Variants in HECTD4 observed in about 807,000 individuals in gnomAD.
The protein encoded by HECTD4 is HECT domain E3 ubiquitin protein ligase 4, also known as probable E3 ubiquitin-protein ligase HECTD4.
A neutral mutation model predicts 471.5 loss-of-function variants in HECTD4; 114 were observed. The observed-to-expected ratio is 0.24, with a 90% CI of 0.21 to 0.28. The LOEUF is 0.28. HECTD4 is among the 10% of genes least tolerant of loss of function. The pLI is 1.00. For synonymous variants in HECTD4, 2,012 were observed against 2,256.0 expected, an observed-to-expected ratio of 0.89 and a Z score of 3.07; for missense variants, 3,866 against 5,651.5, an observed-to-expected ratio of 0.68 and a Z score of 10.13.
chr12:112,317,391 A>G (rs1436448581), intron 2 of HECTD4, among the ~76,000 whole-genome samples: 2 of 152,240 alleles, frequency 1.3e-5, no homozygotes, highest in Non-Finnish European at 2.9e-5. Context: ...TTGAAGGTCA[A>G]CTTTGAAACT....
At chr12:112,187,622 C>CTTTTTTTTTTTTTTTTTTTTT in intron 60 of HECTD4, among the ~76,000 whole-genome samples, 1 of 85,964 alleles carries the variant, frequency 1.2e-5, no homozygotes, top group Non-Finnish European at 2.1e-5. Flanking sequence ...GTTTCCTTTC[C>CTTTTTTTTTTTTTTTTTTTTT]TTTTTTTTTT....
chr12:112,329,604 G>T (rs1483326370), intron 1 of HECTD4, among the ~76,000 whole-genome samples: 1 of 152,182 alleles, frequency 6.6e-6, no homozygotes, highest in African/African-American at 2.4e-5. Context: ...CTGGCCTGAA[G>T]AGATCCGCCC....
At chr12:112,196,797 T>C (rs1374876994) in intron 55 of HECTD4, among the ~76,000 whole-genome samples, 1 of 152,024 alleles carries the variant, frequency 6.6e-6, no homozygotes, top group African/African-American at 2.4e-5. Flanking sequence ...TCTCTCTCTC[T>C]CTTTTTTTTG....
Position 112,198,308 on chromosome 12 carries a change from C to T in HECTD4, c.8567+2330G>A, listed in dbSNP as rs188049143. Among the ~76,000 whole-genome samples, 79 of 152,258 alleles carry T rather than the reference C, an allele frequency of 5.2e-4. 1 individual carries two copies. Among genetic ancestry groups the T allele is most frequent in the Admixed American group, 4.1e-3 (63 of 15,286 alleles). On this transcript the variant is annotated intron_variant, in intron 55 of 75. Transcript: ENST00000682272. ...ATTCACTGAGATCTGAATTACAGAACGAGACAGCCAGGGGGAGCTCTGGGC... is the reference window on the plus strand; with the variant it reads ...ATTCACTGAGATCTGAATTACAGAATGAGACAGCCAGGGGGAGCTCTGGGC...
At position 112,243,772 on chromosome 12, in the gene HECTD4, C is replaced by A. The variant is rs762651573; in HGVS notation, c.4650-11G>T. On this transcript the variant is annotated splice_polypyrimidine_tract_variant and intron_variant, in intron 30 of 75. Coordinates refer to ENST00000682272, the MANE Select transcript of HECTD4 (RefSeq NM_001388303.1). The surrounding 1 kb of genome is among the most constrained non-coding windows in gnomAD (Gnocchi z 6.6). ...GTCACGTGGCGACGCCTACGGGGAACACAGAACAGACTGGCAAGACGAGAA... is the reference window on the plus strand; with the variant it reads ...GTCACGTGGCGACGCCTACGGGGAAAACAGAACAGACTGGCAAGACGAGAA... 1 of 1,612,022 alleles carries A rather than the reference C, an allele frequency of 6.2e-7. No homozygotes were observed. The highest frequency in any genetic ancestry group is 8.5e-7 in the Non-Finnish European group (1 of 1,178,470).
intron 54 of HECTD4, among the ~76,000 whole-genome samples, chr12:112,202,652 G>A (rs1034321710): frequency 6.6e-6 from 1 of 152,174 alleles, no homozygotes; most frequent in Non-Finnish European, 1.5e-5. Flanking sequence ...GGCTTGATCT[G>A]TATATTATTT....
chr12:112,203,434 A>AT, intron 54 of HECTD4: 1 of 464,528 alleles, frequency 2.2e-6, no homozygotes, highest in Non-Finnish European at 3.8e-6. Context: ...AGAGCCTACC[A>AT]TCTACTGCCA....
At chr12:112,374,569 T>C (rs1216611960) in intron 1 of HECTD4, among the ~76,000 whole-genome samples, 1 of 152,188 alleles carries the variant, frequency 6.6e-6, no homozygotes, top group African/African-American at 2.4e-5. Context: ...GTGACTCCTA[T>C]TACAGTGCTC....
chr12:112,376,244 C>CT (rs1156827411), intron 1 of HECTD4, among the ~76,000 whole-genome samples: 15 of 150,924 alleles, frequency 9.9e-5, no homozygotes, highest in African/African-American at 1.7e-4. Flanking sequence ...ACTCTGCATT[C>CT]TTTTTTTTTG....
chr12:112,206,250 C>T (rs1434810171), intron 52 of HECTD4, among the ~76,000 whole-genome samples: 2 of 152,078 alleles, frequency 1.3e-5, no homozygotes, highest in Non-Finnish European at 2.9e-5. Flanking sequence ...AATCCCAGCA[C>T]TTTGGAGGCC....
At chr12:112,246,673 G>A (rs970231395) in intron 29 of HECTD4, among the ~76,000 whole-genome samples, 1 of 152,056 alleles carries the variant, frequency 6.6e-6, no homozygotes, top group African/African-American at 2.4e-5. Flanking sequence ...GAAGTTGACC[G>A]CAGGAATTTA....
intron 66 of HECTD4, among the ~76,000 whole-genome samples, chr12:112,174,053 C>G (rs1035181816): frequency 1.3e-5 from 2 of 151,694 alleles, no homozygotes; most frequent in African/African-American, 2.4e-5. Context: ...TCTCAGCTCA[C>G]CACAACCCCC....
intron 44 of HECTD4, among the ~76,000 whole-genome samples, chr12:112,224,525 C>G (rs2033181167): frequency 6.6e-6 from 1 of 152,132 alleles, no homozygotes; most frequent in South Asian, 2.1e-4. Flanking sequence ...CTCGGCCTCC[C>G]AAAGTGCTAG....
chr12:112,199,141 G>A (rs1231168646), intron 55 of HECTD4, among the ~76,000 whole-genome samples: 1 of 152,228 alleles, frequency 6.6e-6, no homozygotes, highest in Non-Finnish European at 1.5e-5. Context: ...ACTTGGGTAG[G>A]TATGTAGGTG....
At chr12:112,294,704 G>A (rs956008659) in intron 7 of HECTD4, among the ~76,000 whole-genome samples, 2 of 151,962 alleles carry the variant, frequency 1.3e-5, no homozygotes, top group Non-Finnish European at 1.5e-5. Flanking sequence ...GCGCTGCAAC[G>A]GCCTCCATAT....
chr12:112,243,986 T>G lies in HECTD4; in HGVS notation c.4537A>C (p.Lys1513Gln). 1 of 1,613,992 alleles carries G rather than the reference T, an allele frequency of 6.2e-7. No homozygotes were observed. The highest frequency in any genetic ancestry group is 8.5e-7 in the Non-Finnish European group (1 of 1,179,886). ...TGCCTGACAGCGTGAGATATCACTTTTGTTTCAGAAGCTGATTTACAAGCT... is the reference window on the plus strand; with the variant it reads ...TGCCTGACAGCGTGAGATATCACTTGTGTTTCAGAAGCTGATTTACAAGCT... ...TPACKSASET[K>Q]VISHAVRQPV... The change falls in exon 30 of 76, where the codon AAA (lysine) becomes CAA (glutamine). Residue 1513 changes from lysine to glutamine, a missense_variant. Physicochemically the swap from Lys to Gln is moderately conservative, Grantham distance 53. This residue lies in a region of HECTD4 where 49 missense variants were observed against 43.6 expected (regional missense o/e 1.12). Transcript: ENST00000682272. This position sits in a 1 kb window ranked among gnomAD's most constrained non-coding sequence, Gnocchi z 6.6.
chr12:112,336,796 C>T (rs1001207719), intron 1 of HECTD4, among the ~76,000 whole-genome samples: 40 of 152,216 alleles, frequency 2.6e-4, no homozygotes, highest in African/African-American at 9.4e-4. Context: ...TGATAATTGT[C>T]GAACTTGCTG....
At chr12:112,220,301 T>C (rs1300588633) in intron 44 of HECTD4, among the ~76,000 whole-genome samples, 1 of 152,024 alleles carries the variant, frequency 6.6e-6, no homozygotes, top group East Asian at 1.9e-4. Context: ...CACAAAGATA[T>C]ATGAGCCAAA....
chr12:112,178,218 A>G (rs2031529775), intron 64 of HECTD4, among the ~76,000 whole-genome samples: 1 of 152,134 alleles, frequency 6.6e-6, no homozygotes. Flanking sequence ...CTGGGACCAC[A>G]GGTGCATGCC....
Sources: gnomAD v4.1 joint callset for allele counts (sites outside exome capture counted in the v4.1 genomes callset) on GRCh38, gnomAD v4.1.1 for gene constraint, gnomAD v4.1.1 regional missense constraint, Gnocchi (gnomAD v3.1) non-coding constraint, MANE v1.5 for transcripts, NCBI Gene and HGNC (gene_info 2026-07-23, HGNC 2026-07-21) for gene names.